The following DNAH6 variants were observed in gnomAD, a reference collection of about 807,000 sequenced individuals.
The protein encoded by DNAH6 is dynein axonemal heavy chain 6.
In DNAH6, 340 loss-of-function variants were observed where a neutral mutation model predicts 491.4. The ratio of observed to expected loss-of-function variants is 0.69; its 90% CI spans 0.63 to 0.76. The LOEUF is 0.76. DNAH6 is among the 30% of genes least tolerant of loss of function. DNAH6 has a pLI of 0.00. For missense variants in DNAH6, 4,443 were observed against 4,972.2 expected, an observed-to-expected ratio of 0.89 and a Z score of 3.20; for synonymous variants, 1,603 against 1,686.1, an observed-to-expected ratio of 0.95 and a Z score of 1.21.
chr2:84,797,501 T>G, intron 69 of DNAH6, 36 bp from the exon 70 acceptor site: 5 of 1,542,696 alleles, frequency 3.2e-6, no homozygotes, highest in Admixed American at 4.0e-5. Flanking sequence ...GCCAGTCTAT[T>G]TGAGACATAT....
At chr2:84,643,332 AG>A in intron 33 of DNAH6, among the ~76,000 whole-genome samples, 1 of 152,002 alleles carries the variant, frequency 6.6e-6, no homozygotes, top group South Asian at 2.1e-4. Context: ...ATGGTTTTAA[AG>A]TGACCTGCTT....
the DNAH6 span, among the ~76,000 whole-genome samples, chr2:84,499,159 C>A: frequency 6.6e-6 from 1 of 152,050 alleles, no homozygotes; most frequent in Non-Finnish European, 1.5e-5. Context: ...TTTTTTGGTA[C>A]CCATTAACCA....
chr2:84,504,820 T>G, the DNAH6 span, among the ~76,000 whole-genome samples: 1 of 152,230 alleles, frequency 6.6e-6, no homozygotes, highest in South Asian at 2.1e-4. Context: ...TTTTTCCTTT[T>G]CAATATTGTT....
chr2:84,568,339 A>G (rs2103895803), intron 11 of DNAH6, among the ~76,000 whole-genome samples: 1 of 152,310 alleles, frequency 6.6e-6, no homozygotes, highest in Admixed American at 6.5e-5. Flanking sequence ...ATAGTGATAG[A>G]CTGGATAAAG....
At chr2:84,656,346 G>T (rs893020767) in intron 35 of DNAH6, among the ~76,000 whole-genome samples, 1 of 152,032 alleles carries the variant, frequency 6.6e-6, no homozygotes, top group East Asian at 1.9e-4. Flanking sequence ...TATATGTTTA[G>T]CTTTGTAAGA....
chr2:84,745,125 C>G lies in DNAH6; in HGVS notation c.10388C>G (p.Ser3463Cys). ...AACCCACAGAAATGGGAAGGCTATT[C>G]TAAAATGAAACACGAAGATAAACAC... ...YINPQKWEGY[S>C]KMKHEDKHMR... The change falls in exon 63 of 77, where the codon TCT becomes TGT. Residue 3463 changes from serine to cysteine, a missense_variant. Physicochemically the swap from Ser to Cys is moderately radical, Grantham distance 112. This residue lies in a region of DNAH6 where 1,463 missense variants were observed against 1,656.6 expected (regional missense o/e 0.88). Coordinates refer to ENST00000389394, the MANE Select transcript of DNAH6 (RefSeq NM_001370.2). 1 of 1,544,694 alleles carries G rather than the reference C, an allele frequency of 6.5e-7. No homozygotes were observed. Among genetic ancestry groups the G allele is most frequent in the South Asian group, 1.2e-5 (1 of 82,860 alleles).
the DNAH6 span, among the ~76,000 whole-genome samples, chr2:84,496,465 C>T: frequency 3.7e-3 from 570 of 152,250 alleles, 1 homozygote; most frequent in Non-Finnish European, 6.7e-3. Flanking sequence ...GACATTAATA[C>T]TTAATGTAAC....
rs374260114 is a variant in DNAH6 at position 84,793,959 on chromosome 2, A to C, written c.11240-2347A>C. On this transcript the variant is annotated intron_variant, in intron 68 of 76. Coordinates refer to ENST00000389394, the MANE Select transcript of DNAH6 (RefSeq NM_001370.2). Reference sequence around the variant, plus strand: ...AGGCTACGGTAGTCAAAACAGCATGATACTGGTACCAAAACAGAGATATAG... The same window carrying C: ...AGGCTACGGTAGTCAAAACAGCATGCTACTGGTACCAAAACAGAGATATAG... Among the ~76,000 whole-genome samples the C allele has an allele frequency of 1.8e-4, 27 of 152,328 alleles. No individual in the cohort carries two copies. In the East Asian group the frequency reaches 5.0e-3, roughly 28 times the overall value.
intron 35 of DNAH6, among the ~76,000 whole-genome samples, chr2:84,655,127 GAGTAATAAAAGGA>G (rs1269149644): frequency 6.6e-6 from 1 of 152,070 alleles, no homozygotes. Context: ...GAAAGCTTGG[GAGTAATAAAAGGA>G]AGCAAAATGA....
At position 84,701,078 on chromosome 2, in the gene DNAH6, A is replaced by AT; in HGVS notation, c.7819-14dup. ...TGAAATGACACAACAGATTTTCTAG[A>AT]TTTTTCCTTGATTCACAGTGGCCCA... On this transcript the variant is annotated intron_variant, in intron 48 of 76. Transcript: ENST00000389394. 6.5e-7 allele frequency: 1 copy of AT among 1,543,982 alleles called. No homozygotes were observed. Among genetic ancestry groups the AT allele is most frequent in the South Asian group, 1.2e-5 (1 of 83,850 alleles).
intron 70 of DNAH6, among the ~76,000 whole-genome samples, chr2:84,799,019 G>A (rs531368577): frequency 1.4e-4 from 19 of 140,654 alleles, no homozygotes; most frequent in Admixed American, 8.4e-4. Flanking sequence ...ACGGAGTCTC[G>A]CTCTGTCATT....
intron 33 of DNAH6, among the ~76,000 whole-genome samples, chr2:84,644,503 C>A (rs553932512): frequency 6.6e-6 from 1 of 151,998 alleles, no homozygotes; most frequent in Non-Finnish European, 1.5e-5. Flanking sequence ...TAAACATGTG[C>A]CATGGTGGTT....
intron 69 of DNAH6, 120 bp from the exon 70 acceptor site, chr2:84,797,417 C>T: frequency 1.1e-6 from 1 of 904,620 alleles, no homozygotes; most frequent in Non-Finnish European, 1.6e-6. Context: ...AAACAATCCC[C>T]CTTTCTACAT....
At chr2:84,688,623 A>G (rs567396651) in intron 45 of DNAH6, 30 bp downstream of exon 45, 3 of 1,484,390 alleles carry the variant, frequency 2.0e-6, no homozygotes, top group East Asian at 2.6e-5. Flanking sequence ...CCAATAATGC[A>G]TTGATTTAAT....
upstream of DNAH6, among the ~76,000 whole-genome samples, chr2:84,513,598 G>A (rs1440226070): frequency 6.6e-6 from 1 of 151,632 alleles, no homozygotes; most frequent in Non-Finnish European, 1.5e-5. Context: ...TAATGTGTTT[G>A]CCTTTTAAGT....
chr2:84,811,111 C>T (rs542554104), intron 72 of DNAH6, among the ~76,000 whole-genome samples: 1 of 152,270 alleles, frequency 6.6e-6, no homozygotes, highest in East Asian at 1.9e-4. Context: ...CTAAGTAAAA[C>T]ACTTCTTTTT....
intron 64 of DNAH6, among the ~76,000 whole-genome samples, chr2:84,765,180 A>G (rs1361829706): frequency 6.6e-6 from 1 of 152,068 alleles, no homozygotes; most frequent in Non-Finnish European, 1.5e-5. Context: ...TTTTTTAAAA[A>G]GTGTAAAGAA....
chr2:84,683,340 A>C (rs1693970070), intron 42 of DNAH6, among the ~76,000 whole-genome samples: 1 of 150,412 alleles, frequency 6.6e-6, no homozygotes. Context: ...AAGGACACTA[A>C]CTCTTAGTTG....
the DNAH6 span, among the ~76,000 whole-genome samples, chr2:84,489,897 A>G: frequency 6.6e-6 from 1 of 152,192 alleles, no homozygotes; most frequent in Non-Finnish European, 1.5e-5. Context: ...ACGAGTTCCC[A>G]GGTAATGCTG....
Sources: gnomAD v4.1 joint callset for allele counts (sites outside exome capture counted in the v4.1 genomes callset) on GRCh38, gnomAD v4.1.1 for gene constraint, gnomAD v4.1.1 regional missense constraint, MANE v1.5 for transcripts, NCBI Gene and HGNC (gene_info 2026-07-23, HGNC 2026-07-21) for gene names.